Variants in TULP4 observed in about 807,000 individuals in gnomAD.
TULP4 encodes tubby-related protein 4.
A neutral mutation model predicts 129.0 loss-of-function variants in TULP4; 16 were observed. The ratio of observed to expected loss-of-function variants is 0.12; its 90% CI spans 0.08 to 0.19. The LOEUF (loss-of-function observed/expected upper bound fraction) is 0.19, where lower values mean the gene tolerates loss of function less well. TULP4 is among the 10% of genes least tolerant of loss of function. The probability of loss-of-function intolerance (pLI) is 1.00; values close to 1 mark genes in which losing one functional copy is unlikely to be tolerated. For synonymous variants in TULP4, 998 were observed against 854.0 expected (o/e 1.17, Z -2.94); for missense variants, 1,842 against 2,059.1 (o/e 0.89, Z 2.04).
In TULP4 at chr6:158,367,418, A is replaced by G. The variant is rs116067856; in HGVS notation, c.253-45647A>G. Among the ~76,000 whole-genome samples, 1,501 of 152,304 alleles carry G rather than the reference A, an allele frequency of 9.9e-3. 30 individuals carry two copies. The highest frequency in any genetic ancestry group is 0.033 in the African/African-American group (1,355 of 41,576). ...TTGTTTGTTTGTTTGTGTTTTACGA[A>G]TGATGTTTAATAAAGAACTGCCAAA... On this transcript the variant is annotated intron_variant, in intron 1 of 13. Coordinates refer to ENST00000367097, the MANE Select transcript of TULP4 (RefSeq NM_020245.5).
intron 1 of TULP4, among the ~76,000 whole-genome samples, chr6:158,321,976 C>T (rs1779648963): frequency 6.6e-6 from 1 of 152,178 alleles, no homozygotes; most frequent in African/African-American, 2.4e-5. Context: ...GTACCATTGT[C>T]TGATTCACCC....
chr6:158,246,984 T>G (rs1422368395), intron 1 of TULP4, among the ~76,000 whole-genome samples: 2 of 152,202 alleles, frequency 1.3e-5, no homozygotes, highest in African/African-American at 4.8e-5. Flanking sequence ...ACTGTTATTA[T>G]TTTTAATCAG....
At chr6:158,241,116 G>C (rs1471198936) in intron 1 of TULP4, among the ~76,000 whole-genome samples, 1 of 137,672 alleles carries the variant, frequency 7.3e-6, no homozygotes, top group Admixed American at 7.5e-5. Flanking sequence ...AGGGGGCGGC[G>C]GGGCAGAGGC....
intron 1 of TULP4, among the ~76,000 whole-genome samples, chr6:158,344,609 G>A (rs1015961954): frequency 6.6e-6 from 1 of 152,148 alleles, no homozygotes; most frequent in Admixed American, 6.5e-5. Flanking sequence ...GTGCATATAA[G>A]ACAGTGATCT....
At chr6:158,362,826 A>T (rs1780826687) in intron 1 of TULP4, among the ~76,000 whole-genome samples, 1 of 90,606 alleles carries the variant, frequency 1.1e-5, no homozygotes. Context: ...CCTTAATCCC[A>T]GCACTTTGGG....
chr6:158,339,217 G>A (rs4708789), intron 1 of TULP4, among the ~76,000 whole-genome samples: 131,052 of 152,166 alleles, frequency 0.86, 56,865 homozygotes, highest in South Asian at 0.93. Flanking sequence ...TGATGCCCCC[G>A]AGCCGTAAAA....
intron 1 of TULP4, among the ~76,000 whole-genome samples, chr6:158,302,919 AG>A (rs1779155240): frequency 6.6e-6 from 1 of 151,790 alleles, no homozygotes; most frequent in Non-Finnish European, 1.5e-5. Context: ...GTGCAAGGCA[AG>A]ATAAATGTGC....
chr6:158,502,034 G>A lies in TULP4; in HGVS notation c.2371G>A (p.Gly791Arg), dbSNP rs537043044. 6.2e-7 allele frequency: 1 copy of A among 1,613,724 alleles called. No homozygotes were observed. Residue 791 changes from glycine to arginine, a missense_variant, in exon 13 of 14, where the codon GGA (glycine) becomes AGA (arginine). By Grantham distance (125) the Gly-to-Arg change is moderately radical. This residue lies in a region of TULP4 where 1,089 missense variants were observed against 987.1 expected (regional missense o/e 1.10). Transcript: ENST00000367097. ...GPMQLSTVGHGDRDHEHLQKS... is the reference protein window; with the variant it reads ...GPMQLSTVGHRDRDHEHLQKS... ...CATGCAGCTGTCCACGGTGGGCCAT[G>A]GAGACCGAGACCACGAACACCTGCA...
chr6:158,478,732 C>G (rs1779873697), intron 6 of TULP4, among the ~76,000 whole-genome samples: 1 of 152,202 alleles, frequency 6.6e-6, no homozygotes, highest in Non-Finnish European at 1.5e-5. Flanking sequence ...GAACAAATCT[C>G]TTGCTGCTTC....
In TULP4 at chr6:158,503,163, C is replaced by T. The variant is rs1269039473; in HGVS notation, c.3500C>T (p.Pro1167Leu). The T allele has an allele frequency of 4.3e-6, 7 of 1,613,356 alleles. No homozygotes were observed. The highest frequency in any genetic ancestry group is 1.3e-5 in the African/African-American group (1 of 74,898). The change falls in exon 13 of 14, where the codon CCC becomes CTC. Residue 1167 changes from proline (P) to leucine (L), a missense_variant. Coordinates refer to ENST00000367097, the MANE Select transcript of TULP4 (RefSeq NM_020245.5). This position sits in a 1 kb window ranked among gnomAD's most constrained non-coding sequence, Gnocchi z 4.3. Reference protein sequence around the residue: ...QGQHLDVSRLPFISPKSPASP... With the variant: ...QGQHLDVSRLLFISPKSPASP... Reference sequence around the variant, plus strand: ...CAGCACCTGGACGTGTCCCGACTGCCCTTCATCTCCCCCAAGTCTCCTGCC... The same window carrying T: ...CAGCACCTGGACGTGTCCCGACTGCTCTTCATCTCCCCCAAGTCTCCTGCC...
chr6:158,450,822 C>T (rs1424600342), intron 4 of TULP4, among the ~76,000 whole-genome samples: 1 of 151,700 alleles, frequency 6.6e-6, no homozygotes, highest in Non-Finnish European at 1.5e-5. Context: ...TTTGGGAGGC[C>T]GAGGCGGGTG....
chr6:158,312,371 GA>G (rs1023147543), upstream of TULP4: 62 of 362,510 alleles, frequency 1.7e-4, no homozygotes, highest in Middle Eastern at 6.9e-4. Context: ...GCAAAAAGAA[GA>G]AAAAAAAATT....
At chr6:158,427,294 T>C (rs1410585488) in intron 2 of TULP4, among the ~76,000 whole-genome samples, 4 of 152,044 alleles carry the variant, frequency 2.6e-5, no homozygotes, top group African/African-American at 9.7e-5. Context: ...AGAAAGCAGA[T>C]CACTGTTTGC....
chr6:158,232,772 C>A (rs1016780617), intron 1 of TULP4, among the ~76,000 whole-genome samples: 1 of 152,298 alleles, frequency 6.6e-6, no homozygotes, highest in South Asian at 2.1e-4. Context: ...GCGGCTTCCC[C>A]GGCCGCGCCG....
chr6:158,389,084 T>C (rs544095228), intron 1 of TULP4, among the ~76,000 whole-genome samples: 2 of 152,380 alleles, frequency 1.3e-5, no homozygotes, highest in South Asian at 2.1e-4. Context: ...AAACAACAGT[T>C]TCATAATTTT....
intron 1 of TULP4, among the ~76,000 whole-genome samples, chr6:158,241,147 T>G: frequency 6.8e-5 from 7 of 102,910 alleles, no homozygotes; most frequent in South Asian, 7.0e-4. Context: ...TCTCAGACGA[T>G]GGGCGGCCGG....
At chr6:158,322,562 A>G (rs1351583088) in intron 1 of TULP4, among the ~76,000 whole-genome samples, 1 of 152,198 alleles carries the variant, frequency 6.6e-6, no homozygotes, top group Non-Finnish European at 1.5e-5. Flanking sequence ...TAATATACTT[A>G]AGTATATTAC....
At chr6:158,393,362 G>A (rs1777631750) in intron 1 of TULP4, among the ~76,000 whole-genome samples, 1 of 152,180 alleles carries the variant, frequency 6.6e-6, no homozygotes, top group African/African-American at 2.4e-5. Flanking sequence ...GGGTCTAGAG[G>A]ATGGTGGCCC....
chr6:158,350,764 CTTT>C (rs199950596), intron 1 of TULP4, among the ~76,000 whole-genome samples: 2 of 141,742 alleles, frequency 1.4e-5, no homozygotes, highest in African/African-American at 2.6e-5. Context: ...GAGGGGAGAG[CTTT>C]TTTTTTTTTT....
Sources: allele counts gnomAD v4.1 joint callset (sites outside exome capture counted in the v4.1 genomes callset), GRCh38; gene constraint gnomAD v4.1.1; regional missense constraint gnomAD v4.1.1; non-coding constraint Gnocchi (gnomAD v3.1); transcripts MANE v1.5; gene names NCBI Gene and HGNC (gene_info 2026-07-23, HGNC 2026-07-21).